MTA3: variants seen among roughly 807,000 people sequenced by gnomAD.
The protein encoded by MTA3 is metastasis associated 1 family member 3.
In MTA3, 34 loss-of-function variants were observed where a neutral mutation model predicts 83.5. The ratio of observed to expected loss-of-function variants is 0.41; its 90% confidence interval spans 0.31 to 0.54. The LOEUF is 0.54. MTA3 is among the 20% of genes least tolerant of loss of function. The pLI is 0.33. For missense variants in MTA3, 761 were observed against 726.4 expected (o/e 1.05, Z -0.55); for synonymous variants, 303 against 252.7 (o/e 1.20, Z -1.89).
chr2:42,739,950 T>C (rs1012276220), intron 16 of MTA3, among the ~76,000 whole-genome samples: 2 of 152,340 alleles, frequency 1.3e-5, no homozygotes, highest in African/African-American at 4.8e-5. Flanking sequence ...TCCTGCTATG[T>C]CCACCATATC....
chr2:42,573,278 C>A (rs910201205), intron 2 of MTA3, among the ~76,000 whole-genome samples: 1 of 152,144 alleles, frequency 6.6e-6, no homozygotes, highest in Non-Finnish European at 1.5e-5. Flanking sequence ...CTAGGACATT[C>A]TTAGTTTGAA....
chr2:42,603,781 C>T (rs1271762962), intron 3 of MTA3, among the ~76,000 whole-genome samples: 3 of 152,170 alleles, frequency 2.0e-5, no homozygotes, highest in African/African-American at 4.8e-5. Flanking sequence ...TCTTTTGAGA[C>T]GGAGTCTGGC....
At chr2:42,594,955 G>A (rs1291021000) in intron 3 of MTA3, among the ~76,000 whole-genome samples, 7 of 147,178 alleles carry the variant, frequency 4.8e-5, no homozygotes, top group East Asian at 4.0e-4. Flanking sequence ...GGGTTTCACC[G>A]TGTTAACCAG....
At chr2:42,672,706 A>G (rs768362474) in intron 8 of MTA3, among the ~76,000 whole-genome samples, 1 of 151,018 alleles carries the variant, frequency 6.6e-6, no homozygotes, top group African/African-American at 2.4e-5. Flanking sequence ...ACACAAGAAC[A>G]TGACTCAGGG....
chr2:42,497,162 T>A (rs976445074), intron 2 of MTA3, among the ~76,000 whole-genome samples: 3 of 148,922 alleles, frequency 2.0e-5, no homozygotes, highest in African/African-American at 7.4e-5. Context: ...GCTGAGATTG[T>A]GCCATTGGAC....
At chr2:42,582,358 C>T (rs1010099714) in intron 3 of MTA3, among the ~76,000 whole-genome samples, 4 of 152,200 alleles carry the variant, frequency 2.6e-5, no homozygotes, top group African/African-American at 4.8e-5. Context: ...GCGCCCAGCC[C>T]GAGATATTTT....
chr2:42,636,023 C>T (rs1439224030), intron 4 of MTA3, among the ~76,000 whole-genome samples: 1 of 152,162 alleles, frequency 6.6e-6, no homozygotes, highest in African/African-American at 2.4e-5. Flanking sequence ...CCCGCCTCAG[C>T]CTTATAGAAT....
chr2:42,648,140 C>G (rs975742433), intron 6 of MTA3, among the ~76,000 whole-genome samples: 1 of 152,226 alleles, frequency 6.6e-6, no homozygotes, highest in Non-Finnish European at 1.5e-5. Flanking sequence ...TGCACCCAGC[C>G]ACCCTTCTTT....
chr2:42,748,502 A>G, intron 16 of MTA3, among the ~76,000 whole-genome samples: 1 of 152,124 alleles, frequency 6.6e-6, no homozygotes, highest in Non-Finnish European at 1.5e-5. Context: ...CCCATCCAAC[A>G]CATTTTTCAT....
At chr2:42,541,135 G>T (rs1306423911) in intron 2 of MTA3, among the ~76,000 whole-genome samples, 1 of 151,754 alleles carries the variant, frequency 6.6e-6, no homozygotes, top group African/African-American at 2.4e-5. Context: ...AGGTTCAAGT[G>T]ATTCTCCTGC....
chr2:42,715,383 G>A lies in MTA3; in HGVS notation c.1526-3605G>A, dbSNP rs968046869. On this transcript the variant is annotated intron_variant, in intron 14 of 16. Transcript: ENST00000405094. ...TTCACTCTAATTTTTTCACAGTTGAGACATAATTCTTGCCACCAACTACTT... is the reference window on the plus strand; with the variant it reads ...TTCACTCTAATTTTTTCACAGTTGAAACATAATTCTTGCCACCAACTACTT... Among the ~76,000 whole-genome samples the A allele has an allele frequency of 2.9e-4, 42 of 146,616 alleles. 1 individual carries two copies. The highest frequency in any genetic ancestry group is 1.9e-4 in the Non-Finnish European group (13 of 66,868).
In MTA3 at chr2:42,639,054, T is replaced by G. The variant is rs141786539; in HGVS notation, c.318-1119T>G. Among the ~76,000 whole-genome samples, 501 of 151,186 alleles carry G rather than the reference T, an allele frequency of 3.3e-3. 2 individuals carry two copies. The highest frequency in any genetic ancestry group is 3.2e-3 in the Non-Finnish European group (220 of 67,860). On this transcript the variant is annotated intron_variant, in intron 4 of 16. Transcript: ENST00000405094. ...AACAGCAAGCTTTTCTAGCTTGCTT[T>G]CTTTCTTTCTTTTTTTTTTTTTTTG...
chr2:42,508,817 G>T (rs1283489348), intron 2 of MTA3, among the ~76,000 whole-genome samples: 2 of 143,398 alleles, frequency 1.4e-5, no homozygotes, highest in East Asian at 2.0e-4. Flanking sequence ...AATTATATAT[G>T]ATATATATGA....
At chr2:42,726,742 T>C (rs1423649970) in intron 16 of MTA3, among the ~76,000 whole-genome samples, 1 of 152,144 alleles carries the variant, frequency 6.6e-6, no homozygotes, top group Non-Finnish European at 1.5e-5. Context: ...AAAATCACGG[T>C]CTTTCCTGGC....
At chr2:42,514,275 A>G (rs77936035) in intron 2 of MTA3, among the ~76,000 whole-genome samples, 1,591 of 152,356 alleles carry the variant, frequency 0.01, 25 homozygotes, top group African/African-American at 0.037. Context: ...AATAAGAGTT[A>G]TCTAAGGAGA....
chr2:42,494,647 T>G, exon 1 of MTA3: 1 of 151,988 alleles, frequency 6.6e-6, no homozygotes, highest in Non-Finnish European at 1.5e-5. Flanking sequence ...GGGGCGCGAG[T>G]CCTGAGAAGG....
rs115932736 is a variant in MTA3 at position 42,748,483 on chromosome 2, A to G, written c.1760-4891A>G. Among the ~76,000 whole-genome samples, 982 of 152,274 alleles carry G rather than the reference A, an allele frequency of 6.4e-3. 14 individuals are homozygous for G. The highest frequency in any genetic ancestry group is 0.023 in the African/African-American group (939 of 41,546). ...TTATTTCTTCTACAGTATCAAATCT[A>G]CTATTAGTCCCATCCAACACATTTT... On this transcript the variant is annotated intron_variant, in intron 16 of 16. Transcript: ENST00000405094.
chr2:42,639,944 A>G (rs1687555303), intron 4 of MTA3, among the ~76,000 whole-genome samples: 1 of 152,172 alleles, frequency 6.6e-6, no homozygotes, highest in East Asian at 1.9e-4. Context: ...GCCTAACACA[A>G]TTACTCCAAC....
At chr2:42,633,702 T>G (rs561168060) in intron 4 of MTA3, among the ~76,000 whole-genome samples, 7 of 151,974 alleles carry the variant, frequency 4.6e-5, no homozygotes, top group Non-Finnish European at 1.0e-4. Flanking sequence ...CCATCCTGGC[T>G]AACACAGTGA....
Sources: gnomAD v4.1 joint callset for allele counts (sites outside exome capture counted in the v4.1 genomes callset) on GRCh38, gnomAD v4.1.1 for gene constraint, MANE v1.5 for transcripts, NCBI Gene and HGNC (gene_info 2026-07-23, HGNC 2026-07-21) for gene names.